Variants in DYM observed in about 807,000 individuals in gnomAD.
DYM encodes the protein dyggve-Melchior-Clausen syndrome protein.
A neutral mutation model predicts 93.1 loss-of-function variants in DYM; 78 were observed. The observed-to-expected ratio is 0.84, with a 90% CI of 0.70 to 1.01. DYM has a LOEUF of 1.01. Ranked by LOEUF, DYM falls within the 50% of genes least tolerant of loss-of-function variation. The pLI, the probability that DYM is intolerant of heterozygous loss-of-function variation, is 0.00. For missense variants in DYM, 789 were observed against 845.0 expected (o/e 0.93, Z 0.82); for synonymous variants, 321 against 319.7 (o/e 1.00, Z -0.04).
chr18:49,149,670 A>G (rs2085582212), intron 15 of DYM, among the ~76,000 whole-genome samples: 1 of 151,168 alleles, frequency 6.6e-6, no homozygotes, highest in Non-Finnish European at 1.5e-5. Flanking sequence ...GTTGGATGAA[A>G]GAGTAAGAAA....
chr18:49,226,787 A>C (rs185189956), intron 13 of DYM, among the ~76,000 whole-genome samples: 3 of 152,276 alleles, frequency 2.0e-5, no homozygotes, highest in African/African-American at 7.2e-5. Flanking sequence ...GCACACATTA[A>C]AACTATGACT....
At position 49,240,184 on chromosome 18, in the gene DYM, C is replaced by T. The variant is rs181452245; in HGVS notation, c.1460+16826G>A. On this transcript the variant is annotated intron_variant, in intron 13 of 17. Coordinates refer to ENST00000675505, the MANE Select transcript of DYM (RefSeq NM_001353214.3). ...AATAGTAGATATTTAAAAGTATATA[C>T]ACTGAACTCTGTAATACAGACATGC... 9.9e-5 allele frequency among the ~76,000 whole-genome samples: 15 copies of T among 152,234 alleles called. No individual in the cohort carries two copies. The East Asian group carries it at 2.9e-3, about 29-fold the overall frequency.
chr18:49,091,806 G>A (rs528738431), intron 17 of DYM, among the ~76,000 whole-genome samples: 2 of 152,082 alleles, frequency 1.3e-5, no homozygotes, highest in African/African-American at 2.4e-5. Context: ...GCATGATCTC[G>A]GTTTCATCAC....
At chr18:49,326,104 T>C (rs984981109) in intron 8 of DYM, among the ~76,000 whole-genome samples, 4 of 152,220 alleles carry the variant, frequency 2.6e-5, no homozygotes, top group Non-Finnish European at 4.4e-5. Flanking sequence ...TCCCACCTCA[T>C]GTCTAATGAA....
In DYM at chr18:49,258,837, CACAGAG is replaced by C. The variant is rs1442653177; in HGVS notation, c.1252-350_1252-345del. On this transcript the variant is annotated intron_variant, in intron 11 of 17. Coordinates refer to ENST00000675505, the MANE Select transcript of DYM (RefSeq NM_001353214.3). ...ACACACACACAGAGACACACACACA[CACAGAG>C]AGAGAGAGAGAGAGAGAGAGAGAGA... Among the ~76,000 whole-genome samples, 492 of 137,956 alleles carry C rather than the reference CACAGAG, an allele frequency of 3.6e-3. 1 individual carries two copies. The highest frequency in any genetic ancestry group is 0.013 in the East Asian group (58 of 4,604). 90.5% of individuals were successfully genotyped at this position (137,956 alleles called of 152,430 possible).
intron 17 of DYM, among the ~76,000 whole-genome samples, chr18:49,067,789 T>C (rs902629826): frequency 3.9e-5 from 6 of 151,966 alleles, no homozygotes; most frequent in African/African-American, 1.5e-4. Flanking sequence ...GTCACAAATG[T>C]GCATGAAAGT....
chr18:49,046,480 C>G (rs2071583053), intron 17 of DYM, among the ~76,000 whole-genome samples: 1 of 150,226 alleles, frequency 6.7e-6, no homozygotes, highest in Non-Finnish European at 1.5e-5. Context: ...CACACACACA[C>G]AGACACACAC....
At chr18:49,161,803 G>T (rs2145024028) in intron 15 of DYM, among the ~76,000 whole-genome samples, 1 of 152,286 alleles carries the variant, frequency 6.6e-6, no homozygotes, top group South Asian at 2.1e-4. Flanking sequence ...AGCTATCTTT[G>T]TTTATCATTG....
chr18:49,172,968 G>A (rs1436298718), intron 14 of DYM, among the ~76,000 whole-genome samples: 1 of 151,086 alleles, frequency 6.6e-6, no homozygotes, highest in African/African-American at 2.4e-5. Flanking sequence ...GCATTAATAT[G>A]TGTATATGGC....
At chr18:49,302,615 G>A (rs2061003921) in intron 8 of DYM, among the ~76,000 whole-genome samples, 1 of 152,092 alleles carries the variant, frequency 6.6e-6, no homozygotes, top group Admixed American at 6.5e-5. Context: ...CGGAGGTGGG[G>A]GGACGAGTGA....
At chr18:49,433,775 C>T (rs1044326484) in intron 1 of DYM, among the ~76,000 whole-genome samples, 2 of 151,988 alleles carry the variant, frequency 1.3e-5, no homozygotes, top group African/African-American at 2.4e-5. Flanking sequence ...GGCTAAGGCA[C>T]GAGAATCACC....
rs527660269 is a variant in DYM at position 49,415,428 on chromosome 18, C to CTT, written c.140+14825_140+14826dup. ...TACTCTTGGTTGTTATTATTTTTAT[C>CTT]TTTTTTTTTTTTTGCCTTCCTGGTG... On this transcript the variant is annotated intron_variant, in intron 2 of 17. Transcript: ENST00000675505. 3.8e-3 allele frequency among the ~76,000 whole-genome samples: 519 copies of CTT among 136,564 alleles called. 2 individuals are homozygous for CTT. The highest frequency in any genetic ancestry group is 7.3e-3 in the Admixed American group (99 of 13,602). The allele number at this position is 136,564 out of a possible 152,430, so 89.6% of individuals were successfully genotyped here.
Position 49,201,631 on chromosome 18 carries a change from G to C in DYM, c.1625+7920C>G, listed in dbSNP as rs535531921. 2.0e-5 allele frequency among the ~76,000 whole-genome samples: 3 copies of C among 152,300 alleles called. No homozygotes were observed. In the East Asian group the frequency reaches 5.8e-4, roughly 29 times the overall value. ...GGAGAATGTAACTCGTTGCAATACTGATTAATATCACAGATAAATCTGTTT... is the reference window on the plus strand; with the variant it reads ...GGAGAATGTAACTCGTTGCAATACTCATTAATATCACAGATAAATCTGTTT... On this transcript the variant is annotated intron_variant, in intron 14 of 17. Coordinates refer to ENST00000675505, the MANE Select transcript of DYM (RefSeq NM_001353214.3).
At chr18:49,089,917 G>A (rs1648265177) in intron 17 of DYM, among the ~76,000 whole-genome samples, 1 of 152,090 alleles carries the variant, frequency 6.6e-6, no homozygotes, top group Non-Finnish European at 1.5e-5. Flanking sequence ...TTCAACTGAG[G>A]GACTGGCCTT....
chr18:49,436,455 C>T (rs1002137758), intron 1 of DYM, among the ~76,000 whole-genome samples: 3 of 152,120 alleles, frequency 2.0e-5, no homozygotes, highest in African/African-American at 7.2e-5. Flanking sequence ...TTTTGTCTTC[C>T]ACCACCTCCT....
intron 2 of DYM, among the ~76,000 whole-genome samples, chr18:49,419,907 C>T (rs922058853): frequency 2.6e-5 from 4 of 152,150 alleles, no homozygotes; most frequent in African/African-American, 9.7e-5. Flanking sequence ...ATAAATCATG[C>T]TCTCCATTTC....
At chr18:49,180,382 A>G (rs1305735756) in intron 14 of DYM, among the ~76,000 whole-genome samples, 2 of 152,180 alleles carry the variant, frequency 1.3e-5, no homozygotes, top group African/African-American at 4.8e-5. Context: ...TATTAAATAA[A>G]GAATTTAAAT....
chr18:49,106,531 C>T (rs2080831109), intron 16 of DYM, among the ~76,000 whole-genome samples: 1 of 152,198 alleles, frequency 6.6e-6, no homozygotes, highest in Non-Finnish European at 1.5e-5. Context: ...CAAGTTTTTG[C>T]AGTGGCTGGT....
At chr18:49,118,991 A>T (rs895553533) in intron 15 of DYM, 65 bp from the exon 16 acceptor site, 1 of 1,345,652 alleles carries the variant, frequency 7.4e-7, no homozygotes, top group Admixed American at 1.8e-5. Flanking sequence ...AATTAATGAA[A>T]ATAAGAGTAA....
Sources: gnomAD v4.1 joint callset for allele counts (sites outside exome capture counted in the v4.1 genomes callset) on GRCh38, gnomAD v4.1.1 for gene constraint, MANE v1.5 for transcripts, NCBI Gene and HGNC (gene_info 2026-07-23, HGNC 2026-07-21) for gene names.